IQGAP2: variants seen among roughly 807,000 people sequenced by gnomAD.
IQGAP2 encodes the protein IQ motif containing GTPase activating protein 2, also known as ras GTPase-activating-like protein IQGAP2.
A neutral mutation model predicts 201.3 loss-of-function variants in IQGAP2; 173 were observed. That is an observed-to-expected ratio of 0.86 (90% CI 0.76 to 0.98). The LOEUF is 0.98. Ranked by LOEUF, IQGAP2 falls within the 50% of genes least tolerant of loss-of-function variation. IQGAP2 has a pLI of 0.00. For missense variants in IQGAP2, 1,687 were observed against 1,864.8 expected (o/e 0.90, Z 1.76); for synonymous variants, 675 against 673.9 (o/e 1.00, Z -0.03).
chr5:76,669,481 ACTAAATGAAGGACGCGT>A (rs963720956), intron 23 of IQGAP2, among the ~76,000 whole-genome samples: 34 of 152,326 alleles, frequency 2.2e-4, no homozygotes, highest in African/African-American at 8.2e-4. Flanking sequence ...TGTGGTAAGT[ACTAAATGAAGGACGCGT>A]CTAAATGAAG....
At chr5:76,422,942 G>A (rs1239801328) in intron 1 of IQGAP2, among the ~76,000 whole-genome samples, 39 of 152,190 alleles carry the variant, frequency 2.6e-4, no homozygotes, top group Non-Finnish European at 2.9e-5. Context: ...GGAAAACTGA[G>A]GTGCAGAAAC....
At chr5:76,409,664 A>G (rs767168271) in intron 1 of IQGAP2, among the ~76,000 whole-genome samples, 10 of 152,228 alleles carry the variant, frequency 6.6e-5, no homozygotes, top group Admixed American at 2.0e-4. Flanking sequence ...ATAATAATAT[A>G]GTGATGTGCC....
intron 1 of IQGAP2, among the ~76,000 whole-genome samples, chr5:76,408,866 C>A (rs1157568545): frequency 6.6e-6 from 1 of 152,068 alleles, no homozygotes; most frequent in African/African-American, 2.4e-5. Flanking sequence ...GATCTGGGCT[C>A]ACTGCAACCT....
chr5:76,639,644 G>A (rs993537666), intron 16 of IQGAP2, among the ~76,000 whole-genome samples: 1 of 152,114 alleles, frequency 6.6e-6, no homozygotes, highest in Admixed American at 6.6e-5. Flanking sequence ...TTATAGAATC[G>A]TTAAAAGTCA....
chr5:76,683,169 GA>G lies in IQGAP2; in HGVS notation c.3717del (p.Glu1239AspfsTer32). 6.2e-7 allele frequency: 1 copy of G among 1,612,660 alleles called. No individual in the cohort carries two copies. The highest frequency in any genetic ancestry group is 8.5e-7 in the Non-Finnish European group (1 of 1,179,354). ...IAPEKNDLLS[E>X]LLGSLGEVPT... ...CCCTGAGAAAAATGACTTACTGAGT[GA>G]ATTGCTGGGGTCGCTGGGAGAGGTG... On this transcript the variant is annotated frameshift_variant, in exon 29 of 36. Transcript: ENST00000274364. LOFTEE classifies it high-confidence loss of function.
At chr5:76,504,545 G>T (rs1268155117) in intron 2 of IQGAP2, among the ~76,000 whole-genome samples, 1 of 152,104 alleles carries the variant, frequency 6.6e-6, no homozygotes, top group Non-Finnish European at 1.5e-5. Context: ...CAAATGTGTA[G>T]CTCCAGCCCA....
At chr5:76,574,645 C>T (rs533065240) in intron 4 of IQGAP2, among the ~76,000 whole-genome samples, 27 of 152,314 alleles carry the variant, frequency 1.8e-4, no homozygotes, top group Admixed American at 3.3e-4. Context: ...GATAACCTCC[C>T]GTGACACACA....
At position 76,673,572 on chromosome 5, in the gene IQGAP2, T is replaced by C. The variant is rs1286121976; in HGVS notation, c.3192T>C (p.Ser1064=). ...ACAAAGTCCTGAATTCTATCATTTCTTCCCTTGATCTACTGCCGTAAGTTG... is the reference window on the plus strand; with the variant it reads ...ACAAAGTCCTGAATTCTATCATTTCCTCCCTTGATCTACTGCCGTAAGTTG... ...VTDKVLNSII[S]SLDLLPYGLR... Residue 1064 remains serine, a synonymous_variant, in exon 25 of 36, where the codon TCT becomes TCC. Coordinates refer to ENST00000274364, the MANE Select transcript of IQGAP2 (RefSeq NM_006633.5). 1 of 1,613,994 alleles carries C rather than the reference T, an allele frequency of 6.2e-7. No individual in the cohort carries two copies. The highest frequency in any genetic ancestry group is 1.1e-5 in the South Asian group (1 of 91,070).
Position 76,671,742 on chromosome 5 carries a change from G to T in IQGAP2, c.2844-17G>T. 8.0e-6 allele frequency: 12 copies of T among 1,498,378 alleles called. No homozygotes were observed. Among genetic ancestry groups the T allele is most frequent in the South Asian group, 1.1e-5 (1 of 88,406 alleles). 92.8% of individuals were successfully genotyped at this position (1,498,378 alleles called of 1,614,324 possible). ...CCATGGAAGCAAACCATTTTGTTTT[G>T]TCTTGGGCTTTTTTAGATCAAAAGT... On this transcript the variant is annotated splice_polypyrimidine_tract_variant and intron_variant, in intron 23 of 35. Coordinates refer to ENST00000274364, the MANE Select transcript of IQGAP2 (RefSeq NM_006633.5).
At chr5:76,603,840 A>G (rs888243056) in intron 11 of IQGAP2, among the ~76,000 whole-genome samples, 18 of 152,300 alleles carry the variant, frequency 1.2e-4, no homozygotes, top group Admixed American at 3.9e-4. Flanking sequence ...GGTGAAGAGA[A>G]CTGAGAGGAG....
At chr5:76,705,418 G>T (rs1182238610) in intron 35 of IQGAP2, among the ~76,000 whole-genome samples, 3 of 152,206 alleles carry the variant, frequency 2.0e-5, no homozygotes, top group Non-Finnish European at 4.4e-5. Flanking sequence ...AAATGGCAGA[G>T]CTAAAACTAA....
chr5:76,611,557 C>G (rs1468390709), intron 13 of IQGAP2, among the ~76,000 whole-genome samples: 1 of 152,204 alleles, frequency 6.6e-6, no homozygotes, highest in East Asian at 1.9e-4. Context: ...CTGACCTTAT[C>G]TTCAAAATGC....
At chr5:76,541,442 A>G (rs952084810) in intron 2 of IQGAP2, among the ~76,000 whole-genome samples, 1 of 152,206 alleles carries the variant, frequency 6.6e-6, no homozygotes, top group African/African-American at 2.4e-5. Context: ...GTTGCTGGGC[A>G]CGTGAGTTGT....
chr5:76,620,955 A>G (rs535195128), intron 13 of IQGAP2, among the ~76,000 whole-genome samples: 1 of 152,350 alleles, frequency 6.6e-6, no homozygotes, highest in African/African-American at 2.4e-5. Flanking sequence ...ATTTATTATT[A>G]TATAACTTTT....
At position 76,672,002 on chromosome 5, in the gene IQGAP2, T is replaced by C; in HGVS notation, c.3068+19T>C. The C allele has an allele frequency of 6.4e-7, 1 of 1,557,156 alleles. No individual in the cohort carries two copies. Among genetic ancestry groups the C allele is most frequent in the South Asian group, 1.1e-5 (1 of 88,934 alleles). On this transcript the variant is annotated intron_variant, in intron 24 of 35. Transcript: ENST00000274364. ...AGGCCAGGTAATAGAATCAGGAAGG[T>C]GTTGGTCTTCTGTTATGTTTTATGA...
intron 30 of IQGAP2, among the ~76,000 whole-genome samples, chr5:76,689,230 T>TTA (rs566505116): frequency 3.5e-5 from 3 of 86,490 alleles, no homozygotes; most frequent in Admixed American, 1.5e-4. Context: ...CAGGGATATT[T>TTA]AAAAAAAAAA....
chr5:76,640,802 A>T, intron 16 of IQGAP2, 131 bp from the exon 17 acceptor site: 1 of 641,932 alleles, frequency 1.6e-6, no homozygotes, highest in Non-Finnish European at 2.6e-6. Context: ...AGCTCTGCTT[A>T]AATTTGTTTT....
intron 2 of IQGAP2, among the ~76,000 whole-genome samples, chr5:76,555,911 C>A (rs1280213153): frequency 6.6e-6 from 1 of 152,310 alleles, no homozygotes; most frequent in East Asian, 1.9e-4. Context: ...GTGGTTACAA[C>A]CCAGTCACTT....
chr5:76,520,810 C>T (rs1580373190), intron 2 of IQGAP2, among the ~76,000 whole-genome samples: 3 of 147,470 alleles, frequency 2.0e-5, no homozygotes, highest in African/African-American at 5.0e-5. Flanking sequence ...CAGGTTCAAG[C>T]GATTTTCCTT....
Sources: gnomAD v4.1 joint callset for allele counts (sites outside exome capture counted in the v4.1 genomes callset) on GRCh38, gnomAD v4.1.1 for gene constraint, MANE v1.5 for transcripts, NCBI Gene and HGNC (gene_info 2026-07-23, HGNC 2026-07-21) for gene names.